The following HAVCR1 variants were observed in gnomAD, a reference collection of about 807,000 sequenced individuals.
HAVCR1 encodes the protein T cell immunoglobin domain and mucin domain protein 1.
A neutral mutation model predicts 32.0 loss-of-function variants in HAVCR1; 34 were observed. The ratio of observed to expected loss-of-function variants is 1.06; its 90% CI spans 0.81 to 1.42. The LOEUF (loss-of-function observed/expected upper bound fraction) is 1.42, where lower values mean the gene tolerates loss of function less well. Among genes scored for constraint, HAVCR1 ranks in the 40% most tolerant of loss-of-function variants. The pLI is 0.00. For missense variants in HAVCR1, 420 were observed against 442.3 expected, an observed-to-expected ratio of 0.95 and a Z score of 0.45; for synonymous variants, 178 against 170.3, an observed-to-expected ratio of 1.05 and a Z score of -0.35.
chr5:157,032,554 A>T (rs1036283708), intron 8 of HAVCR1, among the ~76,000 whole-genome samples: 3 of 146,430 alleles, frequency 2.0e-5, no homozygotes, highest in Non-Finnish European at 4.5e-5. Context: ...TAAAAGAACA[A>T]ACTAAAGCAA....
intron 7 of HAVCR1, among the ~76,000 whole-genome samples, chr5:157,035,143 G>A (rs529709836): frequency 6.6e-6 from 1 of 151,864 alleles, no homozygotes; most frequent in Non-Finnish European, 1.5e-5. Flanking sequence ...TAATAAATAT[G>A]TATTCATTTT....
intron 6 of HAVCR1, among the ~76,000 whole-genome samples, chr5:157,041,684 C>A (rs893735198): frequency 6.6e-6 from 1 of 152,216 alleles, no homozygotes; most frequent in Non-Finnish European, 1.5e-5. Context: ...AGCCTCTACT[C>A]CACCCCATCA....
chr5:157,056,194 T>C (rs1756129596), intron 2 of HAVCR1, among the ~76,000 whole-genome samples: 1 of 151,890 alleles, frequency 6.6e-6, no homozygotes. Flanking sequence ...CATCCCAAAG[T>C]GCTGGGATTA....
At chr5:157,056,300 A>G (rs1179939987) in intron 2 of HAVCR1, among the ~76,000 whole-genome samples, 1 of 152,002 alleles carries the variant, frequency 6.6e-6, no homozygotes, top group Non-Finnish European at 1.5e-5. Flanking sequence ...TGGAATTTTT[A>G]AAATTTGAGA....
At chr5:157,046,906 C>T (rs1018594095) in intron 5 of HAVCR1, among the ~76,000 whole-genome samples, 2 of 152,126 alleles carry the variant, frequency 1.3e-5, no homozygotes, top group African/African-American at 4.8e-5. Context: ...GGCCCCAGCT[C>T]TTAATACTTG....
At chr5:157,031,548 G>A (rs1164424740) in intron 8 of HAVCR1, among the ~76,000 whole-genome samples, 3 of 152,104 alleles carry the variant, frequency 2.0e-5, no homozygotes, top group Non-Finnish European at 4.4e-5. Context: ...CTGGGGCCAG[G>A]TGCGGTCCCT....
At chr5:157,052,723 G>A in intron 3 of HAVCR1, 69 bp from the exon 4 acceptor site, 3 of 1,301,570 alleles carry the variant, frequency 2.3e-6, no homozygotes, top group Non-Finnish European at 3.3e-6. Flanking sequence ...GGCTGGAACT[G>A]TACCCTAGCA....
At chr5:157,036,857 T>G (rs1561581708) in intron 7 of HAVCR1, among the ~76,000 whole-genome samples, 2 of 151,796 alleles carry the variant, frequency 1.3e-5, no homozygotes, top group African/African-American at 2.4e-5. Context: ...TTAATGGTTT[T>G]TTTGTTTGTT....
chr5:157,049,759 G>T (rs1039438), intron 4 of HAVCR1, among the ~76,000 whole-genome samples: 1 of 151,972 alleles, frequency 6.6e-6, no homozygotes, highest in South Asian at 2.1e-4. Flanking sequence ...CAACCCTAAA[G>T]GTAAGGTTCC....
intron 4 of HAVCR1, 138 bp from the exon 5 acceptor site, chr5:157,049,283 T>G (rs1185491469): frequency 1.5e-6 from 1 of 668,262 alleles, no homozygotes; most frequent in Non-Finnish European, 2.7e-6. Context: ...ACAGTGGGCA[T>G]GCAGGGCTTC....
At chr5:157,061,677 G>A (rs542193600), upstream of HAVCR1, among the ~76,000 whole-genome samples, 18 of 150,178 alleles carry the variant, frequency 1.2e-4, no homozygotes, top group African/African-American at 4.4e-4. Flanking sequence ...ACTGCACTCT[G>A]GCCTGGGCCA....
chr5:157,044,623 A>AAGAAAGAAAGAAAGAAAG lies in HAVCR1; in HGVS notation c.782-1959_782-1942dup, dbSNP rs1561591240. ...AGAAAGAAAGAAAGAAAGAGAAAGA[A>AAGAAAGAAAGAAAGAAAG]AGAAAGAAAGAAAGAAAGAAAGAAA... is the stretch of plus-strand genomic sequence containing the variant. On this transcript the variant is annotated intron_variant, in intron 5 of 8. Coordinates refer to ENST00000523175, the MANE Select transcript of HAVCR1 (RefSeq NM_001173393.3). Among the ~76,000 whole-genome samples, 9 of 53,312 alleles carry AAGAAAGAAAGAAAGAAAG rather than the reference A, an allele frequency of 1.7e-4. No individual in the cohort carries two copies. The South Asian group carries it at 2.5e-3, about 15-fold the overall frequency. The allele number at this position is 53,312 out of a possible 152,430, so 35.0% of individuals were successfully genotyped here.
chr5:157,056,738 T>C (rs1756180035), intron 2 of HAVCR1, among the ~76,000 whole-genome samples: 2 of 152,110 alleles, frequency 1.3e-5, no homozygotes, highest in African/African-American at 4.8e-5. Flanking sequence ...GGATTACACA[T>C]ATAATGCATG....
chr5:157,042,732 T>C, intron 5 of HAVCR1, 50 bp from the exon 6 acceptor site: 7 of 1,086,062 alleles, frequency 6.4e-6, no homozygotes, highest in Non-Finnish European at 9.9e-6. Context: ...ATATTGAATT[T>C]TCACTGCAGA....
rs1443037369 is a variant in HAVCR1 at position 157,055,083 on chromosome 5, A to G, written c.379+118T>C. 1.0e-5 allele frequency: 6 copies of G among 595,766 alleles called. No homozygotes were observed. In the East Asian group the frequency reaches 1.7e-4, roughly 16 times the overall value. 36.9% of individuals were successfully genotyped at this position (595,766 alleles called of 1,614,324 possible). On this transcript the variant is annotated intron_variant, in intron 3 of 8. Transcript: ENST00000523175. ...AAAGTTATTCTATTTCCCAAGAACA[A>G]GAGTTTATTTAAAAACAGGACTTAC... is the stretch of plus-strand genomic sequence containing the variant.
At chr5:157,059,333 T>C (rs1756409957), upstream of HAVCR1, among the ~76,000 whole-genome samples, 3 of 152,314 alleles carry the variant, frequency 2.0e-5, no homozygotes, top group Admixed American at 1.3e-4. Context: ...ACAGGGTTCA[T>C]GGGGAAGTGG....
At chr5:157,029,910 G>C (rs1292708193) in intron 8 of HAVCR1, 69 bp from the exon 9 acceptor site, 1 of 1,345,332 alleles carries the variant, frequency 7.4e-7, no homozygotes. Context: ...CATATAAGCT[G>C]CACTTTTGTT....
intron 5 of HAVCR1, 139 bp downstream of exon 5, chr5:157,048,899 T>C: frequency 1.6e-6 from 1 of 623,938 alleles, no homozygotes; most frequent in Middle Eastern, 2.7e-4. Context: ...GGTAGATATT[T>C]GTACAAGTCA....
intron 6 of HAVCR1, among the ~76,000 whole-genome samples, chr5:157,037,948 A>G (rs968354959): frequency 2.0e-5 from 3 of 152,142 alleles, no homozygotes; most frequent in Non-Finnish European, 4.4e-5. Context: ...GGGAGGTTGC[A>G]GTGAGCCAAG....
Sources: gnomAD v4.1 joint callset for allele counts (sites outside exome capture counted in the v4.1 genomes callset) on GRCh38, gnomAD v4.1.1 for gene constraint, MANE v1.5 for transcripts, NCBI Gene and HGNC (gene_info 2026-07-23, HGNC 2026-07-21) for gene names.